Variants in DENND5B observed in about 807,000 individuals in gnomAD.
The protein encoded by DENND5B is DENN domain containing 5B, also known as DENN domain-containing protein 5B.
Under a neutral mutation model 140.6 loss-of-function variants are expected in DENND5B, and 34 were observed. The observed-to-expected ratio is 0.24, with a 90% CI of 0.18 to 0.32. DENND5B has a LOEUF of 0.32. DENND5B is among the 10% of genes least tolerant of loss of function. DENND5B has a pLI of 1.00. For missense variants in DENND5B, 1,142 were observed against 1,560.2 expected (o/e 0.73, Z 4.52); for synonymous variants, 551 against 562.1 (o/e 0.98, Z 0.28).
chr12:31,446,040 G>C (rs1944262321), intron 6 of DENND5B, among the ~76,000 whole-genome samples: 1 of 151,890 alleles, frequency 6.6e-6, no homozygotes, highest in African/African-American at 2.4e-5. Flanking sequence ...TGAACACCTG[G>C]CATGATGACT....
chr12:31,490,938 T>C (rs895881613), intron 2 of DENND5B, among the ~76,000 whole-genome samples: 5 of 152,208 alleles, frequency 3.3e-5, no homozygotes, highest in Non-Finnish European at 7.3e-5. Context: ...CTAAAATATA[T>C]TTATGATGTT....
chr12:31,573,111 C>T (rs1018803020), intron 1 of DENND5B, among the ~76,000 whole-genome samples: 1 of 152,068 alleles, frequency 6.6e-6, no homozygotes, highest in Non-Finnish European at 1.5e-5. Context: ...GGTCAAAAGG[C>T]AGAGGTCAGG....
intron 11 of DENND5B, among the ~76,000 whole-genome samples, chr12:31,417,503 T>C (rs1405337155): frequency 6.6e-6 from 1 of 151,978 alleles, no homozygotes; most frequent in Non-Finnish European, 1.5e-5. Flanking sequence ...TGTCCATGAG[T>C]ATTCTCTTAT....
At chr12:31,558,026 C>T (rs1949355589) in intron 1 of DENND5B, among the ~76,000 whole-genome samples, 1 of 151,982 alleles carries the variant, frequency 6.6e-6, no homozygotes. Flanking sequence ...GCACTAAAGC[C>T]TGGGCAAAAG....
chr12:31,472,525 C>CA (rs900071206), intron 3 of DENND5B, among the ~76,000 whole-genome samples: 1 of 152,084 alleles, frequency 6.6e-6, no homozygotes, highest in African/African-American at 2.4e-5. Flanking sequence ...CTCCTGAACT[C>CA]AGGTGATCTG....
intron 1 of DENND5B, among the ~76,000 whole-genome samples, chr12:31,540,408 C>G (rs995543705): frequency 1.3e-5 from 2 of 152,192 alleles, no homozygotes; most frequent in Non-Finnish European, 2.9e-5. Context: ...AATCCCAGTG[C>G]TTTGGGAGGC....
intron 14 of DENND5B, among the ~76,000 whole-genome samples, chr12:31,403,988 A>AGGTG (rs1392032695): frequency 6.7e-6 from 1 of 149,202 alleles, no homozygotes; most frequent in African/African-American, 2.5e-5. Context: ...TGGAAGGCTG[A>AGGTG]GGTGGGCAGA....
At chr12:31,555,653 C>T (rs745983801) in intron 1 of DENND5B, among the ~76,000 whole-genome samples, 7 of 152,344 alleles carry the variant, frequency 4.6e-5, no homozygotes, top group Non-Finnish European at 5.9e-5. Context: ...CCAGAGGTGG[C>T]GCCTACAGAT....
intron 1 of DENND5B, among the ~76,000 whole-genome samples, chr12:31,574,267 A>AAATAATAATAATAATAAT (rs60548839): frequency 0.034 from 3,087 of 89,660 alleles, 149 homozygotes; most frequent in African/African-American, 0.082. Context: ...TGTCTCTAAA[A>AAATAATAATAATAATAAT]AATAATAATA....
chr12:31,493,338 T>C (rs997951350), intron 2 of DENND5B, among the ~76,000 whole-genome samples: 1 of 152,232 alleles, frequency 6.6e-6, no homozygotes, highest in Non-Finnish European at 1.5e-5. Context: ...ATCTAGTGAA[T>C]ATTAATTTCC....
intron 14 of DENND5B, 126 bp downstream of exon 14, chr12:31,409,137 A>G (rs554292220): frequency 1.3e-5 from 14 of 1,090,988 alleles, no homozygotes; most frequent in East Asian, 2.9e-5. Context: ...CTTTACTCCT[A>G]AACAGAGACC....
chr12:31,583,245 T>G (rs543742032), intron 1 of DENND5B, among the ~76,000 whole-genome samples: 8 of 147,770 alleles, frequency 5.4e-5, no homozygotes, highest in African/African-American at 1.3e-4. Flanking sequence ...TGAGGAGAGA[T>G]AGCGCCACTG....
chr12:31,463,914 C>T (rs546459831), intron 3 of DENND5B, among the ~76,000 whole-genome samples: 16 of 152,278 alleles, frequency 1.1e-4, no homozygotes, highest in South Asian at 6.2e-4. Context: ...GTGATCCACA[C>T]GCCTTTGCCT....
intron 1 of DENND5B, among the ~76,000 whole-genome samples, chr12:31,543,194 T>G (rs1344846196): frequency 6.6e-6 from 1 of 152,066 alleles, no homozygotes; most frequent in Admixed American, 6.6e-5. Context: ...GGTGACAAAG[T>G]GAGACTTTGT....
chr12:31,537,323 A>T (rs1478162394), intron 1 of DENND5B, among the ~76,000 whole-genome samples: 1 of 152,186 alleles, frequency 6.6e-6, no homozygotes, highest in Non-Finnish European at 1.5e-5. Context: ...AAGCAGGGGG[A>T]TGAAGTTAAG....
At chr12:31,442,297 T>C (rs777318232) in intron 7 of DENND5B, among the ~76,000 whole-genome samples, 8 of 152,194 alleles carry the variant, frequency 5.3e-5, no homozygotes, top group Admixed American at 1.3e-4. Context: ...GGAAGGATCA[T>C]TCCCTAGAAG....
At chr12:31,565,537 C>T (rs1261848709) in intron 1 of DENND5B, among the ~76,000 whole-genome samples, 1 of 152,136 alleles carries the variant, frequency 6.6e-6, no homozygotes, top group Non-Finnish European at 1.5e-5. Flanking sequence ...ATAAAAGGCC[C>T]AAAGTTAGTC....
intron 4 of DENND5B, among the ~76,000 whole-genome samples, chr12:31,453,011 C>T (rs1200735867): frequency 6.6e-6 from 1 of 152,186 alleles, no homozygotes; most frequent in Non-Finnish European, 1.5e-5. Context: ...ACTGCTCTAA[C>T]ATCTGTAATG....
intron 17 of DENND5B, among the ~76,000 whole-genome samples, chr12:31,393,031 G>A (rs1375234157): frequency 3.9e-5 from 6 of 152,178 alleles, no homozygotes; most frequent in African/African-American, 1.4e-4. Flanking sequence ...GTAAGTTATA[G>A]GAGTAAATAA....
Sources: gnomAD v4.1 joint callset for allele counts (sites outside exome capture counted in the v4.1 genomes callset) on GRCh38, gnomAD v4.1.1 for gene constraint, MANE v1.5 for transcripts, NCBI Gene and HGNC (gene_info 2026-07-23, HGNC 2026-07-21) for gene names.